The following STAB2 variants were observed in gnomAD, a reference collection of about 807,000 sequenced individuals.
STAB2 encodes the protein stabilin-2.
Under a neutral mutation model 338.1 loss-of-function variants are expected in STAB2, and 288 were observed. The observed-to-expected ratio is 0.85, with a 90% confidence interval of 0.77 to 0.94. The LOEUF (loss-of-function observed/expected upper bound fraction) is 0.94, where lower values mean the gene tolerates loss of function less well. Ranked by LOEUF, STAB2 falls within the 40% of genes least tolerant of loss-of-function variation. The probability of loss-of-function intolerance (pLI) is 0.00; values close to 1 mark genes in which losing one functional copy is unlikely to be tolerated. For synonymous variants in STAB2, 1,202 were observed against 1,193.3 expected (o/e 1.01, Z -0.15); for missense variants, 3,141 against 3,210.1 (o/e 0.98, Z 0.52).
chr12:103,731,497 T>TA (rs1402868167), intron 49 of STAB2, 79 bp from the exon 50 acceptor site: 2 of 1,504,312 alleles, frequency 1.3e-6, no homozygotes, highest in African/African-American at 2.8e-5. Context: ...ACCTTTACTT[T>TA]TTTTCACTTG....
At chr12:103,750,443 C>A in intron 59 of STAB2, 136 bp from the exon 60 acceptor site, 1 of 1,053,012 alleles carries the variant, frequency 9.5e-7, no homozygotes, top group Non-Finnish European at 1.4e-6. Flanking sequence ...AGCAGTTATT[C>A]CCACTGGACA....
intron 44 of STAB2, among the ~76,000 whole-genome samples, chr12:103,723,076 G>A (rs150876203): frequency 1.8e-4 from 28 of 152,282 alleles, no homozygotes; most frequent in African/African-American, 6.3e-4. Flanking sequence ...GAGATGAGGT[G>A]GTTCTTGTTA....
At chr12:103,754,252 C>G (rs1425903472) in intron 61 of STAB2, among the ~76,000 whole-genome samples, 5 of 151,884 alleles carry the variant, frequency 3.3e-5, no homozygotes, top group Non-Finnish European at 7.4e-5. Flanking sequence ...TATCAAGCCA[C>G]TAAAATCTCT....
chr12:103,750,527 C>T, intron 59 of STAB2, 52 bp from the exon 60 acceptor site: 1 of 1,601,926 alleles, frequency 6.2e-7, no homozygotes, highest in East Asian at 2.2e-5. Context: ...CTTGGGCATC[C>T]TGGGGTCCTA....
chr12:103,679,165 T>C (rs831424), intron 25 of STAB2, among the ~76,000 whole-genome samples: 128,028 of 151,958 alleles, frequency 0.84, 54,253 homozygotes, highest in East Asian at 1. Context: ...CACCTGAGAT[T>C]GGGAGTTCGA....
chr12:103,602,753 G>A (rs1956971803), intron 3 of STAB2, among the ~76,000 whole-genome samples: 1 of 151,982 alleles, frequency 6.6e-6, no homozygotes, highest in Non-Finnish European at 1.5e-5. Flanking sequence ...TGGGTTGTTT[G>A]TTTTCTTATT....
intron 61 of STAB2, 112 bp downstream of exon 61, chr12:103,753,465 G>C (rs2139198607): frequency 7.0e-7 from 1 of 1,424,688 alleles, no homozygotes; most frequent in African/African-American, 1.4e-5. Context: ...AGGGAGTGCA[G>C]GTAGCTCCTG....
At chr12:103,730,831 T>C (rs1391376041) in intron 49 of STAB2, among the ~76,000 whole-genome samples, 1 of 152,136 alleles carries the variant, frequency 6.6e-6, no homozygotes, top group East Asian at 1.9e-4. Flanking sequence ...AACAGATTGC[T>C]TGAGTCCAGG....
intron 6 of STAB2, among the ~76,000 whole-genome samples, chr12:103,635,209 GGGCAGGCATGCTCACTGCCA>G (rs1957524844): frequency 6.6e-6 from 1 of 152,166 alleles, no homozygotes; most frequent in Non-Finnish European, 1.5e-5. Flanking sequence ...CAGGAGCAAA[GGGCAGGCATGCTCACTGCCA>G]GTGCCTCTCA....
At chr12:103,748,889 G>A (rs1883322344) in intron 58 of STAB2, 74 bp from the exon 59 acceptor site, 4 of 1,492,794 alleles carry the variant, frequency 2.7e-6, no homozygotes, top group South Asian at 1.3e-5. Context: ...GTGCTGTGGT[G>A]CCCCATACCC....
At chr12:103,679,322 C>A (rs916213887) in intron 25 of STAB2, among the ~76,000 whole-genome samples, 1 of 151,758 alleles carries the variant, frequency 6.6e-6, no homozygotes, top group Non-Finnish European at 1.5e-5. Context: ...GAACTGAGAT[C>A]GTGCCATTGC....
At position 103,753,965 on chromosome 12, in the gene STAB2, G is replaced by C. The variant is rs1408811784; in HGVS notation, c.6714+612G>C. 2.6e-5 allele frequency among the ~76,000 whole-genome samples: 4 copies of C among 152,288 alleles called. No homozygotes were observed. In the East Asian group the frequency reaches 7.7e-4, roughly 29 times the overall value. ...GGAAGGAAACGGAGCTCTTTGATCAGGTGCTGCTCTCTTAACCTCTAAAAC... is the reference window on the plus strand; with the variant it reads ...GGAAGGAAACGGAGCTCTTTGATCACGTGCTGCTCTCTTAACCTCTAAAAC... On this transcript the variant is annotated intron_variant, in intron 61 of 68. Transcript: ENST00000388887.
chr12:103,748,939 G>C, intron 58 of STAB2, 24 bp from the exon 59 acceptor site: 1 of 1,601,102 alleles, frequency 6.2e-7, no homozygotes, highest in South Asian at 1.1e-5. Flanking sequence ...GGTAAGTTGA[G>C]CCCTCTCTCC....
intron 3 of STAB2, among the ~76,000 whole-genome samples, chr12:103,617,834 G>A (rs1210745188): frequency 1.3e-5 from 2 of 152,198 alleles, no homozygotes; most frequent in Admixed American, 1.3e-4. Flanking sequence ...AGATTCTGGA[G>A]CATCTTTCCA....
intron 59 of STAB2, 74 bp downstream of exon 59, chr12:103,749,230 A>C (rs973589513): frequency 1.4e-6 from 2 of 1,448,452 alleles, no homozygotes; most frequent in Non-Finnish European, 1.9e-6. Context: ...TCCACCTCCC[A>C]TACTCTGCTT....
chr12:103,761,531 C>CCAGCCTG (rs1884541389), intron 66 of STAB2, 121 bp downstream of exon 66: 1 of 855,974 alleles, frequency 1.2e-6, no homozygotes. Context: ...GGAGGAGCCT[C>CCAGCCTG]CAGCCTCCAA....
At position 103,706,778 on chromosome 12, in the gene STAB2, TCCTTCTG is replaced by T; in HGVS notation, c.3997-13_3997-7del. The stretch of plus-strand genomic sequence containing the variant: ...GATAGAAGTGCGTTGTCAAGCTTTG[TCCTTCTG>T]TTTCAGACGAGAGAATGCTGTGCCG... On this transcript the variant is annotated splice_polypyrimidine_tract_variant and splice_region_variant and intron_variant, in intron 37 of 68. Coordinates refer to ENST00000388887, the MANE Select transcript of STAB2 (RefSeq NM_017564.10). 1 of 1,614,204 alleles carries T rather than the reference TCCTTCTG, an allele frequency of 6.2e-7. No individual in the cohort carries two copies. Among genetic ancestry groups the T allele is most frequent in the South Asian group, 1.1e-5 (1 of 91,084 alleles).
chr12:103,620,357 A>G (rs977399458), intron 3 of STAB2, 111 bp from the exon 4 acceptor site: 1 of 1,006,250 alleles, frequency 9.9e-7, no homozygotes, highest in South Asian at 1.6e-5. Flanking sequence ...AGGTTCTGCA[A>G]TTATTTCTTA....
intron 22 of STAB2, among the ~76,000 whole-genome samples, chr12:103,671,555 G>T (rs1313068760): frequency 6.6e-6 from 1 of 152,178 alleles, no homozygotes; most frequent in Non-Finnish European, 1.5e-5. Context: ...TACTTCTCTA[G>T]GCCTCAGTTT....
Sources: allele counts gnomAD v4.1 joint callset (sites outside exome capture counted in the v4.1 genomes callset), GRCh38; gene constraint gnomAD v4.1.1; transcripts MANE v1.5; gene names NCBI Gene and HGNC (gene_info 2026-07-23, HGNC 2026-07-21).